Variants in DCAF10 observed in about 807,000 individuals in gnomAD.
The protein encoded by DCAF10 is DDB1- and CUL4-associated factor 10.
DCAF10 carries 19 observed loss-of-function variants against 51.9 expected under a neutral mutation model. The ratio of observed to expected loss-of-function variants is 0.37; its 90% CI spans 0.26 to 0.54. DCAF10 has a LOEUF of 0.54. Ranked by LOEUF, DCAF10 falls within the 20% of genes least tolerant of loss-of-function variation. The pLI is 0.87. For synonymous variants in DCAF10, 291 were observed against 297.1 expected (o/e 0.98, Z 0.21); for missense variants, 510 against 730.6 (o/e 0.70, Z 3.48).
chr9:37,819,512 T>G, intron 2 of DCAF10, 111 bp downstream of exon 2: 3 of 652,758 alleles, frequency 4.6e-6, no homozygotes, highest in Non-Finnish European at 7.7e-6. Flanking sequence ...TGCTAGATGA[T>G]CCACATTGTG....
chr9:37,807,061 C>A (rs736980), intron 1 of DCAF10, among the ~76,000 whole-genome samples: 27,989 of 151,990 alleles, frequency 0.18, 2,866 homozygotes, highest in African/African-American at 0.27. Context: ...CAAATATTGA[C>A]TATATGAAAC....
intron 1 of DCAF10, among the ~76,000 whole-genome samples, chr9:37,808,439 T>C (rs919239393): frequency 8.5e-6 from 1 of 117,486 alleles, no homozygotes; most frequent in Non-Finnish European, 1.9e-5. Context: ...ATATATATTA[T>C]ATTATGTAAA....
intron 3 of DCAF10, among the ~76,000 whole-genome samples, chr9:37,843,180 C>A (rs1234024383): frequency 6.6e-6 from 1 of 152,056 alleles, no homozygotes; most frequent in Non-Finnish European, 1.5e-5. Context: ...ACCATGCCCA[C>A]CTAATTTTTT....
chr9:37,818,495 A>G (rs1829612109), intron 1 of DCAF10, among the ~76,000 whole-genome samples: 1 of 152,224 alleles, frequency 6.6e-6, no homozygotes, highest in Non-Finnish European at 1.5e-5. Flanking sequence ...CAAAATAAAT[A>G]AAATAAAATA....
At chr9:37,803,229 G>A (rs1191013594) in intron 1 of DCAF10, among the ~76,000 whole-genome samples, 1 of 152,088 alleles carries the variant, frequency 6.6e-6, no homozygotes, top group Non-Finnish European at 1.5e-5. Context: ...TGATCCCAGA[G>A]ATTAAATGGA....
At position 37,866,389 on chromosome 9, in the gene DCAF10, T is replaced by C. The variant is rs1158618205; in HGVS notation, c.*4881T>C. On this transcript the variant is annotated 3_prime_UTR_variant, in exon 7 of 7. Coordinates refer to ENST00000377724, the MANE Select transcript of DCAF10 (RefSeq NM_024345.5). ...ACACTTCATAAAATGTAAAGGGCTA[T>C]AACAAATATGTTATAAAGTGATTCT... The C allele has an allele frequency of 6.6e-6, 1 of 152,584 alleles. No homozygotes were observed. The highest frequency in any genetic ancestry group is 1.5e-5 in the Non-Finnish European group (1 of 68,050). The allele number at this position is 152,584 out of a possible 1,614,324, so 9.5% of individuals were successfully genotyped here.
Position 37,864,369 on chromosome 9 carries a change from G to A in DCAF10, c.*2861G>A, listed in dbSNP as rs1831090329. The A allele has an allele frequency of 6.6e-6, 1 of 152,120 alleles. No homozygotes were observed. The highest frequency in any genetic ancestry group is 2.1e-4 in the South Asian group (1 of 4,818). 9.4% of individuals were successfully genotyped at this position (152,120 alleles called of 1,614,324 possible). On this transcript the variant is annotated 3_prime_UTR_variant, in exon 7 of 7. Coordinates refer to ENST00000377724, the MANE Select transcript of DCAF10 (RefSeq NM_024345.5). Reference sequence around the variant, plus strand: ...GGCTGAGGTGGGTGGATCACTTGAGGTCAGGAGTTTGAGAACAGCCTAGCC... The same window carrying A: ...GGCTGAGGTGGGTGGATCACTTGAGATCAGGAGTTTGAGAACAGCCTAGCC...
At chr9:37,848,581 G>T (rs1830540921) in intron 3 of DCAF10, among the ~76,000 whole-genome samples, 1 of 152,180 alleles carries the variant, frequency 6.6e-6, no homozygotes, top group African/African-American at 2.4e-5. Context: ...AACAGAAAGT[G>T]ATTGCTAATG....
chr9:37,815,352 AAAG>A (rs1325766438), intron 1 of DCAF10, among the ~76,000 whole-genome samples: 10 of 152,354 alleles, frequency 6.6e-5, no homozygotes, highest in South Asian at 6.2e-4. Context: ...AGGTTTTTAA[AAAG>A]AAGAACAGTC....
chr9:37,808,343 G>T (rs543983078), intron 1 of DCAF10, among the ~76,000 whole-genome samples: 1 of 150,690 alleles, frequency 6.6e-6, no homozygotes, highest in Non-Finnish European at 1.5e-5. Context: ...CGGAAGCAGA[G>T]GTTGCAGTGA....
At position 37,814,105 on chromosome 9, in the gene DCAF10, TATATATATATATATATATATA is replaced by T. The variant is rs1423221675; in HGVS notation, c.540-5182_540-5162del. ...CTATATATATATATATATATATATA[TATATATATATATATATATATA>T]TTTGTTGTTGTTGTTGTTGTTGTTG... On this transcript the variant is annotated intron_variant, in intron 1 of 6. Coordinates refer to ENST00000377724, the MANE Select transcript of DCAF10 (RefSeq NM_024345.5). Among the ~76,000 whole-genome samples, 174 of 104,256 alleles carry T rather than the reference TATATATATATATATATATATA, an allele frequency of 1.7e-3. 2 individuals are homozygous for T. The highest frequency in any genetic ancestry group is 2.3e-3 in the Admixed American group (24 of 10,482). 68.4% of individuals were successfully genotyped at this position (104,256 alleles called of 152,430 possible). A position where few individuals can be genotyped will look rare whatever the true frequency, so the allele number is the denominator to read the frequency against.
chr9:37,855,742 G>A (rs1302462006), intron 4 of DCAF10, among the ~76,000 whole-genome samples: 3 of 152,164 alleles, frequency 2.0e-5, no homozygotes, highest in African/African-American at 4.8e-5. Flanking sequence ...AGGTGCGGGG[G>A]CTCACACCTG....
chr9:37,825,634 T>C (rs1321723224), intron 2 of DCAF10, among the ~76,000 whole-genome samples: 1 of 152,152 alleles, frequency 6.6e-6, no homozygotes, highest in Non-Finnish European at 1.5e-5. Flanking sequence ...CTAGGCTTAA[T>C]ACCTGAGTGA....
In DCAF10 at chr9:37,801,864, G is replaced by A. The variant is rs1336929718; in HGVS notation, c.539+459G>A. ...CTGAACTTGCCATGATGGGGCAAGT[G>A]CGTTCCTTTGCTCAAGGAAGATACA... On this transcript the variant is annotated intron_variant, in intron 1 of 6. Transcript: ENST00000377724. The surrounding 1 kb of genome is among the most constrained non-coding windows in gnomAD (Gnocchi z 5.5). Among the ~76,000 whole-genome samples the A allele has an allele frequency of 1.3e-5, 2 of 152,226 alleles. No individual in the cohort carries two copies. The highest frequency in any genetic ancestry group is 1.3e-4 in the Admixed American group (2 of 15,282).
intron 1 of DCAF10, among the ~76,000 whole-genome samples, chr9:37,815,739 T>C (rs906869571): frequency 1.3e-5 from 2 of 152,270 alleles, no homozygotes; most frequent in East Asian, 1.9e-4. Context: ...GTAAGATCGA[T>C]TGATAAATAA....
At chr9:37,823,390 C>T (rs1397304591) in intron 2 of DCAF10, among the ~76,000 whole-genome samples, 1 of 152,084 alleles carries the variant, frequency 6.6e-6, no homozygotes, top group Non-Finnish European at 1.5e-5. Flanking sequence ...AGATTACCTA[C>T]AGAAGTACAA....
intron 2 of DCAF10, among the ~76,000 whole-genome samples, chr9:37,826,076 T>TA (rs373471414): frequency 0.015 from 2,177 of 142,572 alleles, 22 homozygotes; most frequent in Middle Eastern, 0.04. Context: ...TATATTTCTT[T>TA]AAAAAAAAAA....
intron 1 of DCAF10, among the ~76,000 whole-genome samples, chr9:37,806,750 C>T (rs1377817185): frequency 6.6e-6 from 1 of 152,120 alleles, no homozygotes. Context: ...TGTTTAATTT[C>T]CCCATTATTT....
At chr9:37,855,085 A>C in intron 4 of DCAF10, 103 bp downstream of exon 4, 1 of 1,152,984 alleles carries the variant, frequency 8.7e-7, no homozygotes, top group East Asian at 2.4e-5. Flanking sequence ...AAGGGAAGAC[A>C]GTTTTTTAAA....
Sources: allele counts gnomAD v4.1 joint callset (sites outside exome capture counted in the v4.1 genomes callset), GRCh38; gene constraint gnomAD v4.1.1; non-coding constraint Gnocchi (gnomAD v3.1); transcripts MANE v1.5; gene names NCBI Gene and HGNC (gene_info 2026-07-23, HGNC 2026-07-21).